FRAS1: variants seen among roughly 807,000 people sequenced by gnomAD.
FRAS1 encodes extracellular matrix organizing protein FRAS1.
FRAS1 carries 290 observed loss-of-function variants against 435.2 expected under a neutral mutation model. That is an observed-to-expected ratio of 0.67 (90% CI 0.61 to 0.73). The LOEUF (loss-of-function observed/expected upper bound fraction) is 0.73, where lower values mean the gene tolerates loss of function less well. Among genes scored for constraint, FRAS1 ranks in the 30% least tolerant of loss-of-function variants. FRAS1 has a pLI of 0.00. For missense variants in FRAS1, 4,860 were observed against 5,001.5 expected, an observed-to-expected ratio of 0.97 and a Z score of 0.85; for synonymous variants, 1,800 against 1,851.0, an observed-to-expected ratio of 0.97 and a Z score of 0.71.
At chr4:78,229,445 A>G (rs564664915) in intron 2 of FRAS1, among the ~76,000 whole-genome samples, 3 of 152,210 alleles carry the variant, frequency 2.0e-5, no homozygotes, top group African/African-American at 7.2e-5. Flanking sequence ...TGAGGAAGTG[A>G]TATTTCAGCT....
intron 23 of FRAS1, 32 bp downstream of exon 23, chr4:78,370,016 T>C (rs760192652): frequency 4.4e-6 from 7 of 1,597,384 alleles, no homozygotes; most frequent in Non-Finnish European, 5.1e-6. Flanking sequence ...GTAAAGATTC[T>C]TTTACACAGT....
chr4:78,095,241 A>G lies in FRAS1; in HGVS notation c.108+29225A>G, dbSNP rs1427583300. ...ATCCTGGTTGGTTAGGTTTCATTCA[A>G]AGAGTGAAAGCCTCATTGTAGGAAA... On this transcript the variant is annotated intron_variant, in intron 2 of 73. Coordinates refer to ENST00000512123, the MANE Select transcript of FRAS1 (RefSeq NM_025074.7). Among the ~76,000 whole-genome samples, 3 of 152,218 alleles carry G rather than the reference A, an allele frequency of 2.0e-5. No individual in the cohort carries two copies. The East Asian group carries it at 5.8e-4, about 29-fold the overall frequency.
At chr4:78,356,978 G>T (rs956407123) in intron 20 of FRAS1, among the ~76,000 whole-genome samples, 3 of 151,966 alleles carry the variant, frequency 2.0e-5, no homozygotes, top group Non-Finnish European at 4.4e-5. Context: ...TGCAAAACTG[G>T]CCTACCCAGG....
At chr4:78,119,714 C>A (rs1718901441) in intron 2 of FRAS1, among the ~76,000 whole-genome samples, 1 of 152,154 alleles carries the variant, frequency 6.6e-6, no homozygotes, top group Non-Finnish European at 1.5e-5. Context: ...AAAAACTCTG[C>A]CACGTAACAC....
chr4:78,331,515 G>A (rs1331576065), intron 18 of FRAS1, among the ~76,000 whole-genome samples: 2 of 152,162 alleles, frequency 1.3e-5, no homozygotes, highest in African/African-American at 4.8e-5. Flanking sequence ...GACGAACCAG[G>A]ACATTCCAGC....
In FRAS1 at chr4:78,483,802, T is replaced by TATATATATATATATATATA. The variant is rs1359973665; in HGVS notation, c.8752+1267_8752+1268insATATATATATATATATATA. Among the ~76,000 whole-genome samples, 7 of 92,484 alleles carry TATATATATATATATATATA rather than the reference T, an allele frequency of 7.6e-5. 1 individual carries two copies. Among genetic ancestry groups the TATATATATATATATATATA allele is most frequent in the East Asian group, 2.9e-4 (1 of 3,440 alleles). 60.7% of individuals were successfully genotyped at this position (92,484 alleles called of 152,430 possible). A position where few individuals can be genotyped will look rare whatever the true frequency, so the allele number is the denominator to read the frequency against. On this transcript the variant is annotated intron_variant, in intron 58 of 73. Transcript: ENST00000512123. ...TCTCTCTATATATATATATATAAAA[T>TATATATATATATATATATA]TATGTATGTGTGATACACACACACA... is the stretch of plus-strand genomic sequence containing the variant.
intron 2 of FRAS1, among the ~76,000 whole-genome samples, chr4:78,220,938 C>T (rs984244092): frequency 7.9e-5 from 12 of 152,052 alleles, no homozygotes; most frequent in African/African-American, 2.4e-4. Context: ...GAGGCTGAGG[C>T]GGGCAGATGG....
chr4:78,140,740 T>C (rs1361971177), intron 2 of FRAS1, among the ~76,000 whole-genome samples: 1 of 148,104 alleles, frequency 6.8e-6, no homozygotes, highest in East Asian at 1.9e-4. Flanking sequence ...CGTGTGTGTA[T>C]ATGTATATAC....
chr4:78,472,388 T>C, intron 52 of FRAS1, 58 bp downstream of exon 52: 5 of 1,445,138 alleles, frequency 3.5e-6, no homozygotes, highest in Non-Finnish European at 3.7e-6. Flanking sequence ...TCACACTGCC[T>C]ATCTCCCAGA....
chr4:78,097,561 G>T (rs1406411372), intron 2 of FRAS1, among the ~76,000 whole-genome samples: 2 of 152,200 alleles, frequency 1.3e-5, no homozygotes, highest in African/African-American at 2.4e-5. Flanking sequence ...GCAAGGATGA[G>T]CAAGTCACAT....
At chr4:78,200,342 T>C (rs1170851452) in intron 2 of FRAS1, among the ~76,000 whole-genome samples, 1 of 152,206 alleles carries the variant, frequency 6.6e-6, no homozygotes, top group East Asian at 1.9e-4. Context: ...TATGAGCCTG[T>C]GCCTTAAATT....
At chr4:78,374,531 GA>G (rs1384071466) in intron 25 of FRAS1, among the ~76,000 whole-genome samples, 1 of 152,216 alleles carries the variant, frequency 6.6e-6, no homozygotes, top group African/African-American at 2.4e-5. Flanking sequence ...CGCTTCTATT[GA>G]TCTACAGTGA....
At position 78,249,064 on chromosome 4, in the gene FRAS1, C is replaced by CATATATATATATATATGCATATATAT. The variant is rs773092419; in HGVS notation, c.310-3312_310-3311insGCATATATATATATATATATATATAT. Among the ~76,000 whole-genome samples, 16 of 16,632 alleles carry CATATATATATATATATGCATATATAT rather than the reference C, an allele frequency of 9.6e-4. 2 individuals are homozygous for CATATATATATATATATGCATATATAT. The East Asian group carries it at 0.012, about 12-fold the overall frequency. The allele number at this position is 16,632 out of a possible 152,430, so 10.9% of individuals were successfully genotyped here. On this transcript the variant is annotated intron_variant, in intron 4 of 73. Coordinates refer to ENST00000512123, the MANE Select transcript of FRAS1 (RefSeq NM_025074.7). ...AGAACTACTGATATATATATATATG[C>CATATATATATATATATGCATATATAT]ATATATATATATATATATATATGCA...
chr4:78,270,542 A>ACCC (rs1726618903), intron 9 of FRAS1, among the ~76,000 whole-genome samples: 4 of 101,788 alleles, frequency 3.9e-5, no homozygotes, highest in African/African-American at 1.7e-4. Flanking sequence ...GCCCCCCGCC[A>ACCC]CCCCGCCCCC....
intron 2 of FRAS1, among the ~76,000 whole-genome samples, chr4:78,081,199 A>C (rs1040516237): frequency 1.3e-5 from 2 of 152,136 alleles, no homozygotes; most frequent in Non-Finnish European, 2.9e-5. Context: ...AAAAGTCCCC[A>C]CAAGGGAGAA....
chr4:78,117,048 T>C lies in FRAS1; in HGVS notation c.108+51032T>C, dbSNP rs1343371063. Among the ~76,000 whole-genome samples the C allele has an allele frequency of 2.0e-5, 3 of 152,166 alleles. No homozygotes were observed. In the East Asian group the frequency reaches 5.8e-4, roughly 29 times the overall value. On this transcript the variant is annotated intron_variant, in intron 2 of 73. Transcript: ENST00000512123. ...CTGGTGGCGACAAAATCTCTCAGCATTTGTTTGTCTCTAAAGGATTTTATT... is the reference window on the plus strand; with the variant it reads ...CTGGTGGCGACAAAATCTCTCAGCACTTGTTTGTCTCTAAAGGATTTTATT...
chr4:78,235,156 T>C (rs1461863129), intron 2 of FRAS1, among the ~76,000 whole-genome samples: 1 of 152,168 alleles, frequency 6.6e-6, no homozygotes, highest in Non-Finnish European at 1.5e-5. Context: ...CCACCCATAT[T>C]ACAGAGGGTC....
intron 27 of FRAS1, among the ~76,000 whole-genome samples, chr4:78,382,524 A>G (rs112721591): frequency 3.3e-5 from 5 of 152,154 alleles, no homozygotes; most frequent in African/African-American, 9.7e-5. Context: ...CTGGAAGACA[A>G]TCCATCAGTT....
At chr4:78,463,785 C>A (rs1483550635) in intron 47 of FRAS1, among the ~76,000 whole-genome samples, 3 of 152,180 alleles carry the variant, frequency 2.0e-5, no homozygotes, top group Admixed American at 2.0e-4. Flanking sequence ...TGAACACCTG[C>A]TGTTGGCTTT....
Sources: allele counts gnomAD v4.1 joint callset (sites outside exome capture counted in the v4.1 genomes callset), GRCh38; gene constraint gnomAD v4.1.1; transcripts MANE v1.5; gene names NCBI Gene and HGNC (gene_info 2026-07-23, HGNC 2026-07-21).